Variants in FCHO2 observed in about 807,000 individuals in gnomAD.
The protein encoded by FCHO2 is F-BAR domain only protein 2.
In FCHO2, 43 loss-of-function variants were observed where a neutral mutation model predicts 114.1. That is an observed-to-expected ratio of 0.38 (90% confidence interval 0.30 to 0.49). The LOEUF (loss-of-function observed/expected upper bound fraction) is 0.49. Ranked by LOEUF, FCHO2 falls within the 20% of genes least tolerant of loss-of-function variation. The probability of loss-of-function intolerance (pLI) is 0.97; values close to 1 mark genes in which losing one functional copy is unlikely to be tolerated. For synonymous variants in FCHO2, 293 were observed against 315.2 expected (o/e 0.93, Z 0.75); for missense variants, 807 against 950.4 (o/e 0.85, Z 1.98).
intron 8 of FCHO2, among the ~76,000 whole-genome samples, chr5:73,020,157 G>A (rs930829991): frequency 1.3e-5 from 2 of 152,184 alleles, no homozygotes; most frequent in African/African-American, 4.8e-5. Flanking sequence ...GTCAAGTCAG[G>A]AATACATAGG....
At chr5:72,971,365 G>T (rs1245528388) in intron 2 of FCHO2, among the ~76,000 whole-genome samples, 1 of 151,974 alleles carries the variant, frequency 6.6e-6, no homozygotes, top group African/African-American at 2.4e-5. Flanking sequence ...AGCACCTGTT[G>T]TTTCCTGACT....
chr5:73,043,955 G>A (rs1756932913), intron 11 of FCHO2, among the ~76,000 whole-genome samples: 1 of 152,192 alleles, frequency 6.6e-6, no homozygotes, highest in Non-Finnish European at 1.5e-5. Context: ...AATCCCCAGT[G>A]TTGGAGGAAG....
At chr5:73,010,707 T>C (rs1203158372) in intron 6 of FCHO2, among the ~76,000 whole-genome samples, 3 of 151,662 alleles carry the variant, frequency 2.0e-5, no homozygotes, top group African/African-American at 7.3e-5. Context: ...TGAAATCCTG[T>C]CTCTACTAAA....
At chr5:73,061,009 A>C (rs1001009625) in intron 17 of FCHO2, among the ~76,000 whole-genome samples, 3 of 142,952 alleles carry the variant, frequency 2.1e-5, no homozygotes, top group Admixed American at 1.4e-4. Flanking sequence ...TGTGCTCACA[A>C]AAAAAAAAAA....
At chr5:73,023,383 T>A (rs1024357867) in intron 8 of FCHO2, among the ~76,000 whole-genome samples, 1 of 152,182 alleles carries the variant, frequency 6.6e-6, no homozygotes, top group Non-Finnish European at 1.5e-5. Flanking sequence ...CATGGAGTTT[T>A]ATTGCATAAG....
At chr5:72,972,825 A>G (rs1229353896) in intron 2 of FCHO2, among the ~76,000 whole-genome samples, 3 of 152,148 alleles carry the variant, frequency 2.0e-5, no homozygotes, top group Non-Finnish European at 2.9e-5. Context: ...TCAGTATGAT[A>G]TTGGCTGTGG....
In FCHO2 at chr5:72,996,834, C is replaced by T. The variant is rs1039568255; in HGVS notation, c.495+5970C>T. Reference sequence around the variant, plus strand: ...CACTTAGGGCTGCCGTTCCCCCTCCCGGCAACGGGGGGCTGGCGGAGCTGT... The same window carrying T: ...CACTTAGGGCTGCCGTTCCCCCTCCTGGCAACGGGGGGCTGGCGGAGCTGT... On this transcript the variant is annotated intron_variant, in intron 5 of 25. Transcript: ENST00000430046. The T allele has an allele frequency of 4.9e-5, 45 of 922,924 alleles. No individual in the cohort carries two copies. In the African/African-American group the frequency reaches 5.3e-4, roughly 11 times the overall value. The allele number at this position is 922,924 out of a possible 1,614,324, so 57.2% of individuals were successfully genotyped here.
At chr5:73,082,865 A>T (rs372684812) in intron 24 of FCHO2, 40 bp downstream of exon 24, 46 of 1,486,118 alleles carry the variant, frequency 3.1e-5, no homozygotes, top group Admixed American at 9.8e-5. Context: ...AAATGATGTC[A>T]CTGAAAATTG....
intron 10 of FCHO2, among the ~76,000 whole-genome samples, chr5:73,040,629 C>T (rs1429881727): frequency 6.6e-6 from 1 of 152,236 alleles, no homozygotes; most frequent in Middle Eastern, 3.4e-3. Flanking sequence ...TATGCAAATT[C>T]AATACTTGTT....
chr5:72,983,201 A>G (rs1753320033), intron 2 of FCHO2, among the ~76,000 whole-genome samples: 1 of 152,102 alleles, frequency 6.6e-6, no homozygotes, highest in Admixed American at 6.6e-5. Flanking sequence ...GGTGTGAGCC[A>G]CCATGCCCGG....
chr5:72,969,649 T>G (rs573915588), intron 2 of FCHO2, among the ~76,000 whole-genome samples: 2 of 152,346 alleles, frequency 1.3e-5, no homozygotes, highest in East Asian at 3.9e-4. Flanking sequence ...GAGCCCTGTT[T>G]ATGTTAGTCA....
chr5:73,035,587 C>A (rs903563359), intron 9 of FCHO2, among the ~76,000 whole-genome samples: 1 of 152,116 alleles, frequency 6.6e-6, no homozygotes, highest in Non-Finnish European at 1.5e-5. Context: ...ACTGCAGCCT[C>A]GACCTCCCAG....
intron 10 of FCHO2, among the ~76,000 whole-genome samples, chr5:73,039,976 C>T (rs1430936753): frequency 6.6e-6 from 1 of 151,444 alleles, no homozygotes; most frequent in Non-Finnish European, 1.5e-5. Context: ...AGAAAGTCAC[C>T]TGGGGTTTGC....
intron 8 of FCHO2, among the ~76,000 whole-genome samples, chr5:73,028,633 A>G (rs553421225): frequency 2.0e-5 from 3 of 150,692 alleles, no homozygotes; most frequent in South Asian, 4.2e-4. Context: ...ATAAGAATAC[A>G]TATTATATGA....
intron 5 of FCHO2, chr5:72,997,180 T>C: frequency 8.8e-7 from 1 of 1,130,934 alleles, no homozygotes; most frequent in South Asian, 1.2e-5. Flanking sequence ...CTGGAACGCC[T>C]CCTGACTTCA....
chr5:73,077,293 G>T, intron 20 of FCHO2, 45 bp from the exon 21 acceptor site: 3 of 1,523,072 alleles, frequency 2.0e-6, no homozygotes, highest in Non-Finnish European at 2.6e-6. Flanking sequence ...TTTAAATAGA[G>T]ATTAGAGCAT....
chr5:73,000,151 T>C (rs2112696660), intron 5 of FCHO2, among the ~76,000 whole-genome samples: 1 of 152,148 alleles, frequency 6.6e-6, no homozygotes, highest in East Asian at 1.9e-4. Flanking sequence ...ACTACAGGCA[T>C]GTGCCACCAT....
chr5:73,020,858 C>A, intron 8 of FCHO2: 1 of 971,372 alleles, frequency 1.0e-6, no homozygotes, highest in Admixed American at 1.7e-5. Context: ...TTTACTCTGA[C>A]CATTAAGTGT....
chr5:72,989,312 A>G, intron 2 of FCHO2, 115 bp from the exon 3 acceptor site: 2 of 708,634 alleles, frequency 2.8e-6, no homozygotes, highest in Admixed American at 2.7e-5. Flanking sequence ...ACTTATTTTT[A>G]ACATGTAATT....
Sources: allele counts gnomAD v4.1 joint callset (sites outside exome capture counted in the v4.1 genomes callset), GRCh38; gene constraint gnomAD v4.1.1; transcripts MANE v1.5; gene names NCBI Gene and HGNC (gene_info 2026-07-23, HGNC 2026-07-21).